The following SUMF1 variants were observed in gnomAD, a reference collection of about 807,000 sequenced individuals.
SUMF1 encodes sulfatase modifying factor 1.
Under a neutral mutation model 47.6 loss-of-function variants are expected in SUMF1, and 48 were observed. The observed-to-expected ratio is 1.01, with a 90% CI of 0.80 to 1.28. SUMF1 has a LOEUF of 1.28. Among genes scored for constraint, SUMF1 ranks in the 50% most tolerant of loss-of-function variants. The probability of loss-of-function intolerance (pLI) is 0.00; values close to 1 mark genes in which losing one functional copy is unlikely to be tolerated. For missense variants in SUMF1, 571 were observed against 485.4 expected, an observed-to-expected ratio of 1.18 and a Z score of -1.66; for synonymous variants, 230 against 192.1, an observed-to-expected ratio of 1.20 and a Z score of -1.63.
chr3:4,397,661 G>A (rs2124957747), intron 7 of SUMF1, among the ~76,000 whole-genome samples: 1 of 152,212 alleles, frequency 6.6e-6, no homozygotes, highest in Non-Finnish European at 1.5e-5. Flanking sequence ...ATGTTCTGCT[G>A]CTTGATTAGA....
Position 4,279,698 on chromosome 3 carries a change from G to C in SUMF1, c.1014+96632C>G, listed in dbSNP as rs114822019. Among the ~76,000 whole-genome samples, 393 of 152,182 alleles carry C rather than the reference G, an allele frequency of 2.6e-3. 1 individual carries two copies. The highest frequency in any genetic ancestry group is 8.8e-3 in the African/African-American group (364 of 41,542). ...ATGTTGTGTTTATACTCTGACAAGA[G>C]ACTCATAATACGAACCAAGTTACAT... On this transcript the variant is annotated intron_variant and NMD_transcript_variant, in intron 8 of 12. Transcript: ENST00000448413.
chr3:4,350,359 TTGTGTGTGTATAATTGTG>T (rs1699473402), intron 8 of SUMF1, among the ~76,000 whole-genome samples: 1 of 56,340 alleles, frequency 1.8e-5, no homozygotes, highest in South Asian at 1.3e-3. Flanking sequence ...GTGTGTATAA[TTGTGTGTGTATAATTGTG>T]TGTGTATAAT....
chr3:4,402,219 C>T lies in SUMF1; in HGVS notation c.954+8646G>A, dbSNP rs569438876. On this transcript the variant is annotated intron_variant, in intron 7 of 8. Coordinates refer to ENST00000272902, the MANE Select transcript of SUMF1 (RefSeq NM_182760.4). ...AGAAGAAAATCCTTTCACCACTTAC[C>T]CTGAATTCCTCAAAAGGCTGGACCC... is the stretch of plus-strand genomic sequence containing the variant. Among the ~76,000 whole-genome samples the T allele has an allele frequency of 2.6e-5, 4 of 152,144 alleles. No individual in the cohort carries two copies. The East Asian group carries it at 7.7e-4, about 29-fold the overall frequency.
At chr3:4,156,093 G>A (rs1233931417) in intron 8 of SUMF1, among the ~76,000 whole-genome samples, 6 of 151,504 alleles carry the variant, frequency 4.0e-5, no homozygotes. Context: ...GTATAAAACA[G>A]CAAAATGCCA....
chr3:4,453,471 G>A (rs1420002424), intron 1 of SUMF1, among the ~76,000 whole-genome samples: 2 of 151,664 alleles, frequency 1.3e-5, no homozygotes, highest in African/African-American at 2.4e-5. Flanking sequence ...AGACTCAAGC[G>A]ATTCCCCCAA....
chr3:4,200,585 G>A (rs1695519591), intron 8 of SUMF1, among the ~76,000 whole-genome samples: 1 of 152,074 alleles, frequency 6.6e-6, no homozygotes, highest in Non-Finnish European at 1.5e-5. Flanking sequence ...CTCTAGTTCT[G>A]AGACCTCTGG....
chr3:4,295,503 TA>T (rs1197160133), intron 8 of SUMF1, among the ~76,000 whole-genome samples: 1 of 151,990 alleles, frequency 6.6e-6, no homozygotes, highest in Non-Finnish European at 1.5e-5. Context: ...AAATTCTGTT[TA>T]TAGGTGGTAT....
chr3:4,399,810 T>A (rs1288407698), intron 7 of SUMF1, among the ~76,000 whole-genome samples: 1 of 152,210 alleles, frequency 6.6e-6, no homozygotes, highest in Middle Eastern at 3.2e-3. Context: ...TAGCCTGAAG[T>A]GCAGTAGCGC....
At chr3:4,090,376 TC>T (rs1692760025) in intron 8 of SUMF1, among the ~76,000 whole-genome samples, 1 of 152,062 alleles carries the variant, frequency 6.6e-6, no homozygotes, top group Admixed American at 6.6e-5. Context: ...GTCTAAGTTG[TC>T]CCACTCAGAA....
In SUMF1 at chr3:4,035,742, TAATA is replaced by T. The variant is rs375091788; in HGVS notation, c.1191+32823_1191+32826del. Among the ~76,000 whole-genome samples the T allele has an allele frequency of 1.5e-4, 23 of 152,288 alleles. No homozygotes were observed. The East Asian group carries it at 2.5e-3, about 17-fold the overall frequency. ...ATAGAACAAATGTGCCCAATGGTGATAATAAATATTTTGTAGGGTTGTTGTGAGG... is the reference window on the plus strand; with the variant it reads ...ATAGAACAAATGTGCCCAATGGTGATAATATTTTGTAGGGTTGTTGTGAGG... On this transcript the variant is annotated intron_variant and NMD_transcript_variant, in intron 9 of 12. Coordinates refer to the SUMF1 transcript ENST00000448413.
At chr3:4,080,087 G>A (rs1692527297) in intron 8 of SUMF1, among the ~76,000 whole-genome samples, 1 of 151,948 alleles carries the variant, frequency 6.6e-6, no homozygotes, top group African/African-American at 2.4e-5. Context: ...TCCAGGGGGT[G>A]AGGAACACTT....
chr3:4,432,878 G>GA (rs1056545520), intron 3 of SUMF1, among the ~76,000 whole-genome samples: 16 of 151,988 alleles, frequency 1.1e-4, no homozygotes, highest in Non-Finnish European at 1.9e-4. Flanking sequence ...TATTTTTCAT[G>GA]AAAAAAGTCC....
intron 8 of SUMF1, among the ~76,000 whole-genome samples, chr3:4,192,721 G>A (rs79507569): frequency 0.011 from 1,709 of 152,180 alleles, 38 homozygotes; most frequent in African/African-American, 0.039. Flanking sequence ...GGAGATTAAA[G>A]GGTTGGGGCT....
Position 4,172,691 on chromosome 3 carries a change from T to C in SUMF1, c.1015-103946A>G, listed in dbSNP as rs909229939. 1.1e-4 allele frequency among the ~76,000 whole-genome samples: 9 copies of C among 83,096 alleles called. 1 individual carries two copies. The highest frequency in any genetic ancestry group is 1.9e-4 in the Non-Finnish European group (7 of 35,946). The allele number at this position is 83,096 out of a possible 152,430, so 54.5% of individuals were successfully genotyped here. The stretch of plus-strand genomic sequence containing the variant: ...ATCCTTTGCCCACTTTTTGATGGGG[T>C]TGTTTTTTTTGTTTTTTGGGGTTTT... On this transcript the variant is annotated intron_variant and NMD_transcript_variant, in intron 8 of 12. Transcript: ENST00000448413.
chr3:4,455,370 A>G (rs1319227595), intron 1 of SUMF1, among the ~76,000 whole-genome samples: 1 of 152,236 alleles, frequency 6.6e-6, no homozygotes, highest in Non-Finnish European at 1.5e-5. Flanking sequence ...TGAATCAAGA[A>G]AAAGTAGAAA....
At chr3:4,289,454 T>C (rs1179577802) in intron 8 of SUMF1, among the ~76,000 whole-genome samples, 1 of 152,144 alleles carries the variant, frequency 6.6e-6, no homozygotes, top group Non-Finnish European at 1.5e-5. Context: ...ACATAGACTG[T>C]CTGTTGAAGG....
intron 8 of SUMF1, among the ~76,000 whole-genome samples, chr3:4,103,171 C>A (rs1041917371): frequency 6.6e-6 from 1 of 151,612 alleles, no homozygotes; most frequent in East Asian, 1.9e-4. Context: ...GATCCACCTG[C>A]CTCGGCCTCC....
At chr3:4,249,905 AG>A (rs1297522344) in intron 8 of SUMF1, among the ~76,000 whole-genome samples, 1 of 152,156 alleles carries the variant, frequency 6.6e-6, no homozygotes, top group East Asian at 1.9e-4. Context: ...TCATTGGGCC[AG>A]GGGCAGTGGC....
At chr3:4,352,649 G>T (rs370252987) in intron 8 of SUMF1, among the ~76,000 whole-genome samples, 2 of 147,212 alleles carry the variant, frequency 1.4e-5, no homozygotes, top group Non-Finnish European at 3.0e-5. Flanking sequence ...TTTATACAAA[G>T]TGATTCCAAC....
Sources: allele counts gnomAD v4.1 joint callset (sites outside exome capture counted in the v4.1 genomes callset), GRCh38; gene constraint gnomAD v4.1.1; transcripts MANE v1.5; gene names NCBI Gene and HGNC (gene_info 2026-07-23, HGNC 2026-07-21).